The following SLC30A5 variants were observed in gnomAD, a reference collection of about 807,000 sequenced individuals.
SLC30A5 encodes the protein solute carrier family 30 member 5.
A neutral mutation model predicts 79.6 loss-of-function variants in SLC30A5; 33 were observed. The observed-to-expected ratio is 0.41, with a 90% confidence interval of 0.31 to 0.55. SLC30A5 has a LOEUF of 0.55. Ranked by LOEUF, SLC30A5 falls within the 20% of genes least tolerant of loss-of-function variation. SLC30A5 has a pLI of 0.20. For missense variants in SLC30A5, 788 were observed against 928.1 expected, an observed-to-expected ratio of 0.85 and a Z score of 1.96; for synonymous variants, 299 against 319.7, an observed-to-expected ratio of 0.94 and a Z score of 0.69.
chr5:69,112,071 G>A lies in SLC30A5; in HGVS notation c.448-1069G>A, dbSNP rs543799524. On this transcript the variant is annotated intron_variant, in intron 5 of 15. Transcript: ENST00000396591. Reference sequence around the variant, plus strand: ...TCCTAGGACTTTGGGAGACCGAGGCGGGTGGATCACGAGGTCAAGAGATCA... The same window carrying A: ...TCCTAGGACTTTGGGAGACCGAGGCAGGTGGATCACGAGGTCAAGAGATCA... 3.5e-4 allele frequency among the ~76,000 whole-genome samples: 53 copies of A among 152,166 alleles called. 1 individual carries two copies. In the South Asian group the frequency reaches 6.9e-3, roughly 20 times the overall value.
intron 12 of SLC30A5, among the ~76,000 whole-genome samples, chr5:69,121,252 T>C (rs998737693): frequency 1.3e-5 from 2 of 152,264 alleles, no homozygotes; most frequent in Non-Finnish European, 2.9e-5. Context: ...AATAAGACCA[T>C]ATTTGGAATC....
intron 12 of SLC30A5, among the ~76,000 whole-genome samples, chr5:69,119,112 C>G (rs1382330205): frequency 6.6e-6 from 1 of 152,138 alleles, no homozygotes; most frequent in African/African-American, 2.4e-5. Context: ...GCTATAGCAA[C>G]TTTTAATGTT....
Position 69,094,029 on chromosome 5 carries a change from G to T in SLC30A5, c.-227G>T, listed in dbSNP as rs1745639787. 2 of 390,336 alleles carry T rather than the reference G, an allele frequency of 5.1e-6. No individual in the cohort carries two copies. Among genetic ancestry groups the T allele is most frequent in the Non-Finnish European group, 9.1e-6 (2 of 220,802 alleles). 24.2% of individuals were successfully genotyped at this position (390,336 alleles called of 1,614,324 possible). A position where few individuals can be genotyped will look rare whatever the true frequency, so the allele number is the denominator to read the frequency against. ...GCTTGGCAACGTCCCTACCGCCGCT[G>T]CTTCCCGGGAACCTGGCGCCGCCGG... On this transcript the variant is annotated 5_prime_UTR_variant, in exon 1 of 16. Coordinates refer to ENST00000396591, the MANE Select transcript of SLC30A5 (RefSeq NM_022902.5).
At chr5:69,110,917 A>C (rs1746212109) in intron 5 of SLC30A5, among the ~76,000 whole-genome samples, 1 of 152,240 alleles carries the variant, frequency 6.6e-6, no homozygotes, top group Admixed American at 6.5e-5. Context: ...TTTCCTCCTT[A>C]AGTAACTAGA....
intron 12 of SLC30A5, among the ~76,000 whole-genome samples, chr5:69,119,237 T>C (rs927728743): frequency 4.9e-4 from 75 of 152,214 alleles, no homozygotes; most frequent in African/African-American, 1.8e-3. Context: ...ACTTTTTTTC[T>C]TTTCTTTTTT....
chr5:69,124,668 C>T (rs1173965202), intron 14 of SLC30A5, among the ~76,000 whole-genome samples: 10 of 152,076 alleles, frequency 6.6e-5, no homozygotes, highest in Non-Finnish European at 1.3e-4. Flanking sequence ...CTCCACCTCC[C>T]GGGTTCAAGC....
chr5:69,099,606 G>C (rs1745851096), intron 1 of SLC30A5, among the ~76,000 whole-genome samples: 3 of 152,092 alleles, frequency 2.0e-5, no homozygotes, highest in Admixed American at 2.0e-4. Context: ...CCCCTCCTGA[G>C]GTGTTTCCAA....
chr5:69,117,466 A>G, intron 11 of SLC30A5, 70 bp downstream of exon 11: 1 of 1,237,950 alleles, frequency 8.1e-7, no homozygotes. Flanking sequence ...GAATTATATT[A>G]CTTATATTAC....
chr5:69,128,435 G>A, intron 15 of SLC30A5, among the ~76,000 whole-genome samples: 1 of 151,668 alleles, frequency 6.6e-6, no homozygotes. Flanking sequence ...TTGTTTGTTT[G>A]TATTTTTAGT....
Position 69,110,025 on chromosome 5 carries a change from T to C in SLC30A5, c.447+1589T>C, listed in dbSNP as rs189247141. On this transcript the variant is annotated intron_variant, in intron 5 of 15. Transcript: ENST00000396591. ...CAACACGCTTTGTGGGTAAATAACATTGCTGACCCCCTACATAGAGAGCAG... is the reference window on the plus strand; with the variant it reads ...CAACACGCTTTGTGGGTAAATAACACTGCTGACCCCCTACATAGAGAGCAG... 6.8e-4 allele frequency among the ~76,000 whole-genome samples: 104 copies of C among 152,304 alleles called. No homozygotes were observed. In the Middle Eastern group the frequency reaches 0.014, roughly 20 times the overall value.
chr5:69,105,482 G>A (rs1746056014), intron 4 of SLC30A5, among the ~76,000 whole-genome samples: 1 of 152,134 alleles, frequency 6.6e-6, no homozygotes, highest in Non-Finnish European at 1.5e-5. Flanking sequence ...CCAAGGGGTG[G>A]ATCATTTGAA....
intron 5 of SLC30A5, 146 bp downstream of exon 5, chr5:69,108,582 G>T: frequency 1.4e-6 from 1 of 703,488 alleles, no homozygotes; most frequent in Non-Finnish European, 2.5e-6. Flanking sequence ...AACACTGTGG[G>T]AGGCTGAGGT....
chr5:69,103,808 T>C (rs1746001261), intron 3 of SLC30A5, among the ~76,000 whole-genome samples: 1 of 152,232 alleles, frequency 6.6e-6, no homozygotes, highest in Admixed American at 6.5e-5. Flanking sequence ...TATACCATAG[T>C]ACATGTTTGC....
chr5:69,125,671 TA>T (rs879281800), intron 14 of SLC30A5, among the ~76,000 whole-genome samples: 12 of 148,524 alleles, frequency 8.1e-5, no homozygotes, highest in East Asian at 7.9e-4. Context: ...CCGTCTCTAC[TA>T]AAAAAAAATA....
At position 69,130,360 on chromosome 5, in the gene SLC30A5, G is replaced by A. The variant is rs616013; in HGVS notation, c.*743G>A. 2.0e-5 allele frequency: 3 copies of A among 152,208 alleles called. No individual in the cohort carries two copies. The highest frequency in any genetic ancestry group is 4.4e-5 in the Non-Finnish European group (3 of 67,996). 9.4% of individuals were successfully genotyped at this position (152,208 alleles called of 1,614,324 possible). ...TTACTTACCATGTTCCTTTAAAGTA[G>A]AATATTTCCTTTCTTGTTATATATT... is the stretch of plus-strand genomic sequence containing the variant. On this transcript the variant is annotated 3_prime_UTR_variant, in exon 16 of 16. Coordinates refer to ENST00000396591, the MANE Select transcript of SLC30A5 (RefSeq NM_022902.5).
intron 11 of SLC30A5, among the ~76,000 whole-genome samples, 189 bp downstream of exon 11, chr5:69,117,585 A>C (rs16898543): frequency 0.025 from 3,756 of 152,240 alleles, 150 homozygotes; most frequent in African/African-American, 0.084. Flanking sequence ...CTCAAAGATT[A>C]TGCTCCCTTG....
rs1746827267 is a variant in SLC30A5 at position 69,130,789 on chromosome 5, A to C, written c.*1172A>C. ...TTATCAGCACCAAAGAATGTTGTCC[A>C]AAAGAAACTTTTTAATACCTGTCTT... On this transcript the variant is annotated 3_prime_UTR_variant, in exon 16 of 16. Coordinates refer to ENST00000396591, the MANE Select transcript of SLC30A5 (RefSeq NM_022902.5). 1 of 152,184 alleles carries C rather than the reference A, an allele frequency of 6.6e-6. No homozygotes were observed. Among genetic ancestry groups the C allele is most frequent in the Non-Finnish European group, 1.5e-5 (1 of 68,020 alleles). The allele number at this position is 152,184 out of a possible 1,614,324, so 9.4% of individuals were successfully genotyped here.
intron 1 of SLC30A5, among the ~76,000 whole-genome samples, chr5:69,095,908 A>C (rs1456734719): frequency 1.3e-4 from 5 of 38,062 alleles, no homozygotes; most frequent in African/African-American, 5.4e-4. Context: ...AAAAATACCA[A>C]AAAAAAAAAA....
intron 11 of SLC30A5, 67 bp downstream of exon 11, chr5:69,117,463 ATTAC>A: frequency 8.1e-7 from 1 of 1,235,364 alleles, no homozygotes; most frequent in East Asian, 2.5e-5. Context: ...ACAGAATTAT[ATTAC>A]TTATATTACT....
Sources: gnomAD v4.1 joint callset for allele counts (sites outside exome capture counted in the v4.1 genomes callset) on GRCh38, gnomAD v4.1.1 for gene constraint, MANE v1.5 for transcripts, NCBI Gene and HGNC (gene_info 2026-07-23, HGNC 2026-07-21) for gene names.